The following CX3CL1 variants were observed in gnomAD, a reference collection of about 807,000 sequenced individuals.
CX3CL1 encodes the protein fractalkine.
Under a neutral mutation model 14.1 loss-of-function variants are expected in CX3CL1, and 1 was observed. The observed-to-expected ratio is 0.07, with a 90% CI of 0.03 to 0.34. CX3CL1 has a LOEUF of 0.34. Ranked by LOEUF, CX3CL1 falls within the 10% of genes least tolerant of loss-of-function variation. CX3CL1 has a pLI of 0.99. For missense variants in CX3CL1, 505 were observed against 536.4 expected (o/e 0.94, Z 0.58); for synonymous variants, 255 against 229.6 (o/e 1.11, Z -1.00).
chr16:57,380,489 C>T (rs527885007), intron 2 of CX3CL1, among the ~76,000 whole-genome samples: 25 of 152,136 alleles, frequency 1.6e-4, no homozygotes, highest in Non-Finnish European at 2.8e-4. Context: ...ACCCAGGATG[C>T]GGAGGTTGCA....
intron 1 of CX3CL1, chr16:57,378,859 TA>T (rs1350724725): frequency 5.5e-5 from 8 of 145,304 alleles, no homozygotes; most frequent in South Asian, 2.2e-4. Flanking sequence ...CCCTATCTCT[TA>T]AAAAAAAATG....
In CX3CL1 at chr16:57,382,686, T is replaced by A. The variant is rs763320101; in HGVS notation, c.848T>A (p.Met283Lys). 2 of 1,612,314 alleles carry A rather than the reference T, an allele frequency of 1.2e-6. No homozygotes were observed. Among genetic ancestry groups the A allele is most frequent in the Admixed American group, 3.3e-5 (2 of 59,912 alleles). Reference protein sequence around the residue: ...DAFQDWGPGSMAHVSVVPVSS... With the variant: ...DAFQDWGPGSKAHVSVVPVSS... The stretch of plus-strand genomic sequence containing the variant: ...TTCCAGGACTGGGGGCCTGGCAGCA[T>A]GGCCCACGTCTCTGTGGTCCCTGTC... Residue 283 changes from methionine (M) to lysine (K), a missense_variant, in exon 3 of 3, where the codon ATG becomes AAG. By Grantham distance (95) the Met-to-Lys change is moderately conservative. Coordinates refer to ENST00000006053, the MANE Select transcript of CX3CL1 (RefSeq NM_002996.6). The surrounding 1 kb of genome is among the most constrained non-coding windows in gnomAD (Gnocchi z 6.9).
chr16:57,380,507 A>G (rs1354412046), intron 2 of CX3CL1, among the ~76,000 whole-genome samples: 5 of 152,142 alleles, frequency 3.3e-5, no homozygotes, highest in African/African-American at 1.2e-4. Context: ...GCAGTGAGCC[A>G]AGATGGCACC....
chr16:57,376,491 G>C (rs1567553049), intron 1 of CX3CL1, among the ~76,000 whole-genome samples: 1 of 148,664 alleles, frequency 6.7e-6, no homozygotes, highest in South Asian at 2.1e-4. Context: ...TGGATGGATG[G>C]GTGGATAGAT....
chr16:57,375,132 T>G (rs1186136576), intron 1 of CX3CL1, among the ~76,000 whole-genome samples: 2 of 95,216 alleles, frequency 2.1e-5, no homozygotes, highest in African/African-American at 4.6e-5. Flanking sequence ...AGAGTGAGAG[T>G]CCATTTAAAA....
Position 57,384,533 on chromosome 16 carries a change from C to G in CX3CL1, c.*1501C>G, listed in dbSNP as rs1042504822. The G allele has an allele frequency of 4.6e-5, 7 of 152,310 alleles. No individual in the cohort carries two copies. The highest frequency in any genetic ancestry group is 1.4e-4 in the African/African-American group (6 of 41,446). 9.4% of individuals were successfully genotyped at this position (152,310 alleles called of 1,614,324 possible). On this transcript the variant is annotated 3_prime_UTR_variant, in exon 3 of 3. Coordinates refer to ENST00000006053, the MANE Select transcript of CX3CL1 (RefSeq NM_002996.6). ...CCCTTGGATTGTCCCCGACCCTTGC[C>G]GTCTACCTGAGGGGCCTCTTATGGG...
At chr16:57,374,378 G>C (rs560829640) in intron 1 of CX3CL1, among the ~76,000 whole-genome samples, 78 of 152,068 alleles carry the variant, frequency 5.1e-4, no homozygotes, top group African/African-American at 1.9e-3. Flanking sequence ...CTGCAGCTAC[G>C]AGTCAGTGCA....
chr16:57,382,672 G>C lies in CX3CL1; in HGVS notation c.834G>C (p.Trp278Cys). The change falls in exon 3 of 3, where the codon TGG becomes TGC. Residue 278 changes from tryptophan to cysteine, a missense_variant. Transcript: ENST00000006053. This position sits in a 1 kb window ranked among gnomAD's most constrained non-coding sequence, Gnocchi z 6.9. Reference sequence around the variant, plus strand: ...CGCACACGGATGCCTTCCAGGACTGGGGGCCTGGCAGCATGGCCCACGTCT... The same window carrying C: ...CGCACACGGATGCCTTCCAGGACTGCGGGCCTGGCAGCATGGCCCACGTCT... Reference protein sequence around the residue: ...VPAHTDAFQDWGPGSMAHVSV... With the variant: ...VPAHTDAFQDCGPGSMAHVSV... 1 of 1,612,650 alleles carries C rather than the reference G, an allele frequency of 6.2e-7. No homozygotes were observed. Among genetic ancestry groups the C allele is most frequent in the Non-Finnish European group, 8.5e-7 (1 of 1,179,106 alleles).
intron 1 of CX3CL1, among the ~76,000 whole-genome samples, chr16:57,376,272 T>C (rs1902243583): frequency 6.6e-6 from 1 of 152,220 alleles, no homozygotes; most frequent in Non-Finnish European, 1.5e-5. Flanking sequence ...ATTTGTTGGT[T>C]GACTGAATAA....
In CX3CL1 at chr16:57,382,008, TC is replaced by T; in HGVS notation, c.192-19del. ...TTTCTGGTATCTGGGCATAACCGAA[TC>T]CCTGTCTTCCTCCCTTGTAGCTTGG... On this transcript the variant is annotated intron_variant, in intron 2 of 2. Transcript: ENST00000006053. The surrounding 1 kb of genome is among the most constrained non-coding windows in gnomAD (Gnocchi z 6.9). 1 of 1,554,246 alleles carries T rather than the reference TC, an allele frequency of 6.4e-7. No homozygotes were observed. Among genetic ancestry groups the T allele is most frequent in the South Asian group, 1.2e-5 (1 of 82,370 alleles).
chr16:57,376,319 A>C (rs1473034533), intron 1 of CX3CL1, among the ~76,000 whole-genome samples: 1 of 152,130 alleles, frequency 6.6e-6, no homozygotes, highest in African/African-American at 2.4e-5. Flanking sequence ...GGATGGAAGC[A>C]CTCTCTTCAA....
chr16:57,382,151 A>G lies in CX3CL1; in HGVS notation c.313A>G (p.Lys105Glu). Residue 105 changes from lysine to glutamate, a missense_variant, in exon 3 of 3, where the codon AAG (lysine) becomes GAG (glutamate). By Grantham distance (56) the Lys-to-Glu change is moderately conservative (BLOSUM62 1). Transcript: ENST00000006053. The surrounding 1 kb of genome is among the most constrained non-coding windows in gnomAD (Gnocchi z 6.9). ...ALTRNGGTFE[K>E]QIGEVKPRTT... is the part of the protein sequence containing the mutation. ...AACTCGAAATGGCGGCACCTTCGAG[A>G]AGCAGATCGGCGAGGTGAAGCCCAG... 2 of 1,613,850 alleles carry G rather than the reference A, an allele frequency of 1.2e-6. No individual in the cohort carries two copies. The highest frequency in any genetic ancestry group is 2.2e-5 in the East Asian group (1 of 44,878).
chr16:57,381,384 G>A (rs1337343564), intron 2 of CX3CL1, among the ~76,000 whole-genome samples: 1 of 152,130 alleles, frequency 6.6e-6, no homozygotes, highest in Non-Finnish European at 1.5e-5. Flanking sequence ...CCACATATTT[G>A]GCTCTAGCCC....
intron 1 of CX3CL1, chr16:57,378,251 T>C (rs1214138541): frequency 1.3e-5 from 2 of 152,176 alleles, no homozygotes; most frequent in East Asian, 3.8e-4. Context: ...TGTACTTATA[T>C]ATTTTTTAAA....
chr16:57,380,170 T>C (rs929693812), intron 2 of CX3CL1, among the ~76,000 whole-genome samples: 1 of 152,234 alleles, frequency 6.6e-6, no homozygotes, highest in Non-Finnish European at 1.5e-5. Flanking sequence ...AATCCTGCCT[T>C]CCCTCTTACT....
chr16:57,380,559 A>T (rs1318286299), intron 2 of CX3CL1, among the ~76,000 whole-genome samples: 1 of 152,186 alleles, frequency 6.6e-6, no homozygotes, highest in Non-Finnish European at 1.5e-5. Context: ...CTCCATCTCA[A>T]AAAAAAGAAA....
intron 1 of CX3CL1, among the ~76,000 whole-genome samples, chr16:57,373,884 G>A (rs915288626): frequency 2.0e-5 from 3 of 152,084 alleles, no homozygotes; most frequent in African/African-American, 7.2e-5. Context: ...GGAGGGTGAC[G>A]AGGTTCCAAT....
chr16:57,381,890 C>G, intron 2 of CX3CL1, 140 bp from the exon 3 acceptor site: 1 of 894,894 alleles, frequency 1.1e-6, no homozygotes, highest in Non-Finnish European at 1.6e-6. Context: ...GGTCAGTTGC[C>G]TCACAGACGC....
At chr16:57,378,467 T>C (rs866963390) in intron 1 of CX3CL1, 2 of 151,802 alleles carry the variant, frequency 1.3e-5, no homozygotes, top group Middle Eastern at 3.4e-3. Flanking sequence ...TCTTTTTTTT[T>C]TTTCTTTTTT....
Sources: allele counts gnomAD v4.1 joint callset (sites outside exome capture counted in the v4.1 genomes callset), GRCh38; gene constraint gnomAD v4.1.1; non-coding constraint Gnocchi (gnomAD v3.1); transcripts MANE v1.5; gene names NCBI Gene and HGNC (gene_info 2026-07-23, HGNC 2026-07-21).